The following IDI1 variants were observed in gnomAD, a reference collection of about 807,000 sequenced individuals.
IDI1 encodes isopentenyl-diphosphate delta isomerase 1, also known as isopentenyl-diphosphate Delta-isomerase 1.
In IDI1, 23 loss-of-function variants were observed where a neutral mutation model predicts 32.9. The ratio of observed to expected loss-of-function variants is 0.70; its 90% CI spans 0.50 to 0.99. The LOEUF (loss-of-function observed/expected upper bound fraction) is 0.99, where lower values mean the gene tolerates loss of function less well. IDI1 is among the 50% of genes least tolerant of loss of function. The pLI is 0.00. For missense variants in IDI1, 326 were observed against 351.9 expected (o/e 0.93, Z 0.59); for synonymous variants, 133 against 128.2 (o/e 1.04, Z -0.25).
At chr10:1,041,717 G>GT (rs201142498) in intron 4 of IDI1, among the ~76,000 whole-genome samples, 3 of 146,896 alleles carry the variant, frequency 2.0e-5, no homozygotes, top group Non-Finnish European at 3.0e-5. Flanking sequence ...AAGTGTTTGC[G>GT]TTTTTTTCCC....
At chr10:1,042,805 G>A in intron 3 of IDI1, 43 bp from the exon 4 acceptor site, 1 of 1,584,432 alleles carries the variant, frequency 6.3e-7, no homozygotes, top group Non-Finnish European at 8.7e-7. Context: ...TTTCTTCAAA[G>A]TAGGTCTGAA....
At position 1,042,647 on chromosome 10, in the gene IDI1, T is replaced by A. The variant is rs755406729; in HGVS notation, c.522A>T (p.Gly174=). Residue 174 remains glycine (G), a synonymous_variant, in exon 4 of 5, where the codon GGA becomes GGT. Transcript: ENST00000381344. ...AGCTGGTTACCTCTTCCAAGGGAATTCCTAGCTCAGCTTTCAGCCGTCTCT... is the reference window on the plus strand; with the variant it reads ...AGCTGGTTACCTCTTCCAAGGGAATACCTAGCTCAGCTTTCAGCCGTCTCT... ...AAQRRLKAEL[G]IPLEEVPPEE... is the part of the protein sequence containing the mutation. 1.2e-6 allele frequency: 2 copies of A among 1,613,994 alleles called. No individual in the cohort carries two copies. The highest frequency in any genetic ancestry group is 1.7e-6 in the Non-Finnish European group (2 of 1,179,938).
chr10:1,039,726 A>G lies in IDI1; in HGVS notation c.*1461T>C, dbSNP rs973455185. ...TGCTGGGTAGCAGTCTAAGGGTCCC[A>G]TGTCCAATTCAGTAGCCATGGCAAC... On this transcript the variant is annotated 3_prime_UTR_variant, in exon 5 of 5. Coordinates refer to ENST00000381344, the MANE Select transcript of IDI1 (RefSeq NM_004508.4). 5.3e-5 allele frequency: 8 copies of G among 152,244 alleles called. No homozygotes were observed. Among genetic ancestry groups the G allele is most frequent in the African/African-American group, 1.9e-4 (8 of 41,468 alleles). 9.4% of individuals were successfully genotyped at this position (152,244 alleles called of 1,614,324 possible).
upstream of IDI1, among the ~76,000 whole-genome samples, chr10:1,052,017 C>T (rs1833026568): frequency 6.6e-6 from 1 of 152,148 alleles, no homozygotes; most frequent in African/African-American, 2.4e-5. Flanking sequence ...GCACTATGGG[C>T]GTGTGCCACC....
intron 1 of IDI1, among the ~76,000 whole-genome samples, chr10:1,045,472 C>CT (rs917474666): frequency 6.6e-6 from 1 of 152,120 alleles, no homozygotes; most frequent in Non-Finnish European, 1.5e-5. Flanking sequence ...TACTGAAATA[C>CT]TTTTTTGTTT....
At chr10:1,042,821 A>C (rs1832657774) in intron 3 of IDI1, 59 bp from the exon 4 acceptor site, 4 of 1,491,150 alleles carry the variant, frequency 2.7e-6, no homozygotes, top group Non-Finnish European at 3.7e-6. Flanking sequence ...CTGAAAGATC[A>C]AGAAAAAGTT....
At chr10:1,047,878 A>T (rs1168710995) in intron 1 of IDI1, among the ~76,000 whole-genome samples, 1 of 152,226 alleles carries the variant, frequency 6.6e-6, no homozygotes, top group Non-Finnish European at 1.5e-5. Flanking sequence ...TACAGATGAA[A>T]TTTTTTTCCA....
intron 1 of IDI1, among the ~76,000 whole-genome samples, chr10:1,045,478 T>C (rs950332311): frequency 1.3e-5 from 2 of 152,260 alleles, no homozygotes; most frequent in Admixed American, 1.3e-4. Flanking sequence ...AATACTTTTT[T>C]GTTTCTGAGA....
chr10:1,050,064 G>T (rs575065894), upstream of IDI1, among the ~76,000 whole-genome samples: 196 of 152,234 alleles, frequency 1.3e-3, 2 homozygotes, highest in Middle Eastern at 3.4e-3. Flanking sequence ...TGAACCTGGT[G>T]GGCACCAGTT....
At chr10:1,047,593 T>G (rs541860460) in intron 1 of IDI1, among the ~76,000 whole-genome samples, 28 of 49,304 alleles carry the variant, frequency 5.7e-4, no homozygotes, top group Non-Finnish European at 1.1e-3. Flanking sequence ...ACAGCCCAGC[T>G]GCTCCACTGT....
intron 4 of IDI1, 150 bp from the exon 5 acceptor site, chr10:1,041,654 G>A (rs766435148): frequency 2.7e-4 from 123 of 448,198 alleles, no homozygotes; most frequent in Middle Eastern, 4.6e-4. Flanking sequence ...CCTATCAATG[G>A]TATATGGAAA....
chr10:1,054,698 A>T, the IDI1 span, among the ~76,000 whole-genome samples: 2 of 152,200 alleles, frequency 1.3e-5, no homozygotes, highest in Admixed American at 6.5e-5. Context: ...TTATTTCAGG[A>T]TACAGTGTGT....
rs1398688275 is a variant in IDI1, at chr10:1,041,083, A to G, written c.*104T>C. 40 of 692,698 alleles carry G rather than the reference A, an allele frequency of 5.8e-5. No homozygotes were observed. Among genetic ancestry groups the G allele is most frequent in the Non-Finnish European group, 7.2e-6 (3 of 418,930 alleles). 42.9% of individuals were successfully genotyped at this position (692,698 alleles called of 1,614,324 possible). A position where few individuals can be genotyped will look rare whatever the true frequency, so the allele number is the denominator to read the frequency against. Reference sequence around the variant, plus strand: ...ATTAATGATAGTACCAAATGATAGAACTAAATTTAATGATAAATTAATGAT... The same window carrying G: ...ATTAATGATAGTACCAAATGATAGAGCTAAATTTAATGATAAATTAATGAT... On this transcript the variant is annotated 3_prime_UTR_variant, in exon 5 of 5. Transcript: ENST00000381344.
chr10:1,047,701 T>C (rs1391936336), intron 1 of IDI1, among the ~76,000 whole-genome samples: 2 of 152,270 alleles, frequency 1.3e-5, no homozygotes, highest in African/African-American at 4.8e-5. Flanking sequence ...GCTTCCACAA[T>C]GATGAAAGTA....
At chr10:1,051,040 G>A (rs1832997647), upstream of IDI1, among the ~76,000 whole-genome samples, 1 of 152,140 alleles carries the variant, frequency 6.6e-6, no homozygotes. Context: ...CCACTTCAAT[G>A]GACATTTTGT....
chr10:1,049,605 G>C (rs1832936899), upstream of IDI1: 1 of 153,886 alleles, frequency 6.5e-6, no homozygotes, highest in African/African-American at 2.4e-5. Context: ...GGGGGTGTGG[G>C]GTGTTCCACG....
chr10:1,048,279 G>GGAAC, intron 1 of IDI1: 1 of 1,304,330 alleles, frequency 7.7e-7, no homozygotes, highest in Non-Finnish European at 1.0e-6. Flanking sequence ...AGTAGACGCG[G>GGAAC]GAACACATCA....
At chr10:1,041,562 C>A (rs766582499) in intron 4 of IDI1, 58 bp from the exon 5 acceptor site, 8 of 915,080 alleles carry the variant, frequency 8.7e-6, no homozygotes, top group Admixed American at 2.8e-5. Flanking sequence ...CAAAAAAAAT[C>A]TAAAATTAGC....
chr10:1,041,408 C>T lies in IDI1; in HGVS notation c.634G>A (p.Val212Met). The T allele has an allele frequency of 6.2e-7, 1 of 1,610,676 alleles. No individual in the cohort carries two copies. The change falls in exon 5 of 5, where the codon GTG (valine) becomes ATG (methionine). Residue 212 changes from valine (V) to methionine (M), a missense_variant. By Grantham distance (21) the Val-to-Met change is conservative. This residue lies in a region of IDI1 where 205 missense variants were observed against 273.5 expected (regional missense o/e 0.75). Transcript: ENST00000381344. ...GEHEIDYILL[V>M]RKNVTLNPDP... ...GGATTCAAAGTTACATTCTTCCTCA[C>T]CAACAAAATGTAATCAATTTCATGT...
Sources: allele counts gnomAD v4.1 joint callset (sites outside exome capture counted in the v4.1 genomes callset), GRCh38; gene constraint gnomAD v4.1.1; regional missense constraint gnomAD v4.1.1; transcripts MANE v1.5; gene names NCBI Gene and HGNC (gene_info 2026-07-23, HGNC 2026-07-21).